Variants in SGCZ observed in about 807,000 individuals in gnomAD.
SGCZ encodes the protein sarcoglycan zeta, also known as zeta-sarcoglycan.
A neutral mutation model predicts 41.3 loss-of-function variants in SGCZ; 40 were observed. The observed-to-expected ratio is 0.97, with a 90% CI of 0.75 to 1.26. The LOEUF is 1.26. Ranked by LOEUF, SGCZ falls within the 50% of genes most tolerant of loss-of-function variation. SGCZ has a pLI of 0.00. For synonymous variants in SGCZ, 206 were observed against 137.5 expected, an observed-to-expected ratio of 1.50 and a Z score of -3.49; for missense variants, 552 against 369.8, an observed-to-expected ratio of 1.49 and a Z score of -4.04.
Position 15,058,656 on chromosome 8 carries a change from T to C in SGCZ, c.39+178929A>G, listed in dbSNP as rs1177862838. ...CCCCTGGAGCTCTTCTTCCCAGATG[T>C]TTCTTGAGTATGTCAACCCAAATAG... On this transcript the variant is annotated intron_variant, in intron 1 of 7. Coordinates refer to ENST00000382080, the MANE Select transcript of SGCZ (RefSeq NM_139167.4). Among the ~76,000 whole-genome samples, 3 of 152,196 alleles carry C rather than the reference T, an allele frequency of 2.0e-5. No individual in the cohort carries two copies. In the East Asian group the frequency reaches 5.8e-4, roughly 29 times the overall value.
intron 2 of SGCZ, among the ~76,000 whole-genome samples, chr8:14,497,169 TG>T (rs1802012487): frequency 6.6e-6 from 1 of 152,152 alleles, no homozygotes; most frequent in African/African-American, 2.4e-5. Context: ...TACCTGAGGC[TG>T]GGTAATTTAT....
At chr8:14,204,073 T>C (rs913898018) in intron 4 of SGCZ, among the ~76,000 whole-genome samples, 2 of 152,090 alleles carry the variant, frequency 1.3e-5, no homozygotes, top group East Asian at 3.9e-4. Context: ...ATTTCCATAC[T>C]GATGGAGGAT....
chr8:14,885,584 T>G (rs916313343), intron 1 of SGCZ, among the ~76,000 whole-genome samples: 2 of 152,082 alleles, frequency 1.3e-5, no homozygotes, highest in African/African-American at 4.8e-5. Context: ...CCCTTTTCAC[T>G]GAGGGAAGGT....
chr8:14,375,375 A>T lies in SGCZ; in HGVS notation c.235-51171T>A, dbSNP rs961120800. Among the ~76,000 whole-genome samples the T allele has an allele frequency of 9.8e-5, 15 of 152,296 alleles. No individual in the cohort carries two copies. In the East Asian group the frequency reaches 2.9e-3, roughly 29 times the overall value. ...GTATAAGAAAGGTCAAGTGGCCAAA[A>T]ATATATGTGAGAATAAAGAAGGCCT... On this transcript the variant is annotated intron_variant, in intron 2 of 7. Coordinates refer to ENST00000382080, the MANE Select transcript of SGCZ (RefSeq NM_139167.4).
intron 1 of SGCZ, among the ~76,000 whole-genome samples, chr8:14,720,112 T>A (rs2130179360): frequency 6.6e-6 from 1 of 152,104 alleles, no homozygotes; most frequent in African/African-American, 2.4e-5. Flanking sequence ...GTCTTTTTTC[T>A]GACTTATATT....
In SGCZ at chr8:14,650,110, C is replaced by G. The variant is rs571967248; in HGVS notation, c.40-95184G>C. 3.3e-5 allele frequency among the ~76,000 whole-genome samples: 5 copies of G among 152,112 alleles called. No individual in the cohort carries two copies. The South Asian group carries it at 1.0e-3, about 32-fold the overall frequency. ...TTGACTGAGCACCCAGACATAGACG[C>G]AATTTAAAACCAAACCAGCCATGTG... On this transcript the variant is annotated intron_variant, in intron 1 of 7. Coordinates refer to ENST00000382080, the MANE Select transcript of SGCZ (RefSeq NM_139167.4).
At chr8:14,379,961 G>T (rs146703128) in intron 2 of SGCZ, among the ~76,000 whole-genome samples, 294 of 152,176 alleles carry the variant, frequency 1.9e-3, no homozygotes, top group African/African-American at 6.5e-3. Context: ...TTGAACTCCC[G>T]ACCTCAGGTG....
At chr8:14,437,910 T>G (rs1165636837) in intron 2 of SGCZ, among the ~76,000 whole-genome samples, 3 of 151,946 alleles carry the variant, frequency 2.0e-5, no homozygotes, top group Non-Finnish European at 2.9e-5. Context: ...ATTTCATAGA[T>G]GTAAAGCTAG....
intron 1 of SGCZ, among the ~76,000 whole-genome samples, chr8:14,820,998 G>GT (rs1802060965): frequency 6.7e-6 from 1 of 149,986 alleles, no homozygotes; most frequent in Admixed American, 6.6e-5. Flanking sequence ...GCAGAGATAA[G>GT]TAAAATAGCG....
At chr8:14,424,981 G>A (rs530218285) in intron 2 of SGCZ, among the ~76,000 whole-genome samples, 71 of 152,092 alleles carry the variant, frequency 4.7e-4, no homozygotes, top group Non-Finnish European at 6.8e-4. Flanking sequence ...AGAAAAATAC[G>A]TAAATATCAT....
chr8:14,712,745 T>C (rs1260256011), intron 1 of SGCZ, among the ~76,000 whole-genome samples: 1 of 152,182 alleles, frequency 6.6e-6, no homozygotes, highest in Non-Finnish European at 1.5e-5. Context: ...TTTACTGCAT[T>C]GCTAACTCAG....
intron 2 of SGCZ, among the ~76,000 whole-genome samples, chr8:14,454,134 A>G (rs186066455): frequency 2.0e-5 from 3 of 152,290 alleles, no homozygotes; most frequent in Non-Finnish European, 4.4e-5. Context: ...GATGGCCTTA[A>G]TGCACCTTCA....
chr8:14,582,820 C>G (rs1804936009), intron 1 of SGCZ, among the ~76,000 whole-genome samples: 1 of 151,286 alleles, frequency 6.6e-6, no homozygotes, highest in South Asian at 2.1e-4. Flanking sequence ...CATCCATGTC[C>G]CTACAAAGGA....
intron 3 of SGCZ, among the ~76,000 whole-genome samples, chr8:14,247,155 T>C (rs529876740): frequency 1.3e-5 from 2 of 152,264 alleles, no homozygotes; most frequent in South Asian, 4.1e-4. Flanking sequence ...TCTACTCTGA[T>C]ACTTTTATTG....
intron 1 of SGCZ, among the ~76,000 whole-genome samples, chr8:14,799,748 G>A (rs558433917): frequency 1.3e-5 from 2 of 152,090 alleles, no homozygotes; most frequent in South Asian, 4.2e-4. Flanking sequence ...CTCCTTTGAA[G>A]CAACCTTCTC....
intron 4 of SGCZ, among the ~76,000 whole-genome samples, chr8:14,226,026 A>G (rs1806360826): frequency 2.0e-5 from 3 of 152,056 alleles, no homozygotes; most frequent in Non-Finnish European, 2.9e-5. Context: ...GGACGATGGT[A>G]TAAGTGATAT....
chr8:14,332,343 G>C (rs909207015), intron 2 of SGCZ, among the ~76,000 whole-genome samples: 21 of 151,974 alleles, frequency 1.4e-4, no homozygotes, highest in Non-Finnish European at 2.2e-4. Flanking sequence ...CAGGAGGTTG[G>C]GGCAGGAGAA....
intron 2 of SGCZ, among the ~76,000 whole-genome samples, chr8:14,496,211 G>A (rs1370580378): frequency 6.6e-6 from 1 of 150,698 alleles, no homozygotes; most frequent in Non-Finnish European, 1.5e-5. Flanking sequence ...GACTTCAGGT[G>A]CACAACATCA....
chr8:14,612,772 C>T (rs1318089723), intron 1 of SGCZ, among the ~76,000 whole-genome samples: 3 of 152,074 alleles, frequency 2.0e-5, no homozygotes, highest in African/African-American at 4.8e-5. Context: ...TTGCAACCTC[C>T]ACCTCCCAAG....
Sources: gnomAD v4.1 joint callset for allele counts (sites outside exome capture counted in the v4.1 genomes callset) on GRCh38, gnomAD v4.1.1 for gene constraint, MANE v1.5 for transcripts, NCBI Gene and HGNC (gene_info 2026-07-23, HGNC 2026-07-21) for gene names.